Variants in MROH2A observed in about 807,000 individuals in gnomAD.
MROH2A encodes maestro heat like repeat family member 2A, also known as maestro heat-like repeat-containing protein family member 2A.
MROH2A carries 174 observed loss-of-function variants against 200.4 expected under a neutral mutation model. The observed-to-expected ratio is 0.87, with a 90% CI of 0.77 to 0.98. The LOEUF is 0.98. Among genes scored for constraint, MROH2A ranks in the 50% least tolerant of loss-of-function variants. The pLI, the probability that MROH2A is intolerant of heterozygous loss-of-function variation, is 0.00. For missense variants in MROH2A, 2,045 were observed against 2,139.6 expected (o/e 0.96, Z 0.87); for synonymous variants, 829 against 840.4 (o/e 0.99, Z 0.23).
At chr2:233,804,390 A>G in intron 17 of MROH2A, 105 bp from the exon 18 acceptor site, 1 of 1,363,496 alleles carries the variant, frequency 7.3e-7, no homozygotes, top group Non-Finnish European at 1.0e-6. Flanking sequence ...TCATCCATGG[A>G]GGGCCTCAAA....
rs1250098372 is a variant in MROH2A at position 233,796,242 on chromosome 2, A to G, written c.1181A>G (p.Gln394Arg). 2 of 1,535,614 alleles carry G rather than the reference A, an allele frequency of 1.3e-6. No homozygotes were observed. Among genetic ancestry groups the G allele is most frequent in the Middle Eastern group, 3.4e-4 (2 of 5,912 alleles). Residue 394 changes from glutamine to arginine, a missense_variant, in exon 11 of 42, where the codon CAG becomes CGG. This residue lies in a region of MROH2A where 831 missense variants were observed against 800.0 expected (regional missense o/e 1.04). Transcript: ENST00000389758. ...PKELMKFFFS[Q>R]METNKEAVRV... is the part of the protein sequence containing the mutation. ...GAGCTGATGAAGTTCTTCTTCAGCC[A>G]GATGGAGACAAACAAGGAGGCCGTC...
chr2:233,789,821 G>A (rs774114635), intron 4 of MROH2A, 31 bp from the exon 5 acceptor site: 36 of 1,531,500 alleles, frequency 2.4e-5, no homozygotes, highest in African/African-American at 1.4e-5. Context: ...GCTGGTGGTG[G>A]TGCCATATGT....
At chr2:233,808,578 G>A (rs1575970466) in intron 21 of MROH2A, among the ~76,000 whole-genome samples, 1 of 152,334 alleles carries the variant, frequency 6.6e-6, no homozygotes, top group African/African-American at 2.4e-5. Context: ...TTTCTGCAAA[G>A]AGGACCCGAC....
In MROH2A at chr2:233,829,015, G is replaced by A. The variant is rs774060010; in HGVS notation, c.4389G>A (p.Gly1463=). The A allele has an allele frequency of 9.0e-6, 14 of 1,550,164 alleles. No homozygotes were observed. Among genetic ancestry groups the A allele is most frequent in the Non-Finnish European group, 1.2e-5 (14 of 1,146,796 alleles). The change falls in exon 37 of 42, where the codon GGG becomes GGA. Residue 1463 remains glycine (G), a synonymous_variant. Coordinates refer to ENST00000389758, the MANE Select transcript of MROH2A (RefSeq NM_001394639.1). Reference sequence around the variant, plus strand: ...AGATCCTGGCTGAGCTCCGGGAAGGGGATGTGGGGTCCTCTTTCGACGCCA... The same window carrying A: ...AGATCCTGGCTGAGCTCCGGGAAGGAGATGTGGGGTCCTCTTTCGACGCCA... ...LTKILAELRE[G]DVGSSFDAMS... is the part of the protein sequence containing the mutation.
At chr2:233,792,273 C>CG (rs35876968) in intron 5 of MROH2A, among the ~76,000 whole-genome samples, 5 of 151,756 alleles carry the variant, frequency 3.3e-5, no homozygotes, top group African/African-American at 9.7e-5. Context: ...CTTTCCTCCC[C>CG]TTTTGCCTGG....
intron 8 of MROH2A, 79 bp from the exon 9 acceptor site, chr2:233,795,574 G>A (rs1702051817): frequency 1.9e-6 from 3 of 1,546,018 alleles, no homozygotes; most frequent in South Asian, 1.2e-5. Context: ...GGGTCAGTGG[G>A]CCCCTGAGTA....
chr2:233,822,659 C>T (rs1056260944), intron 33 of MROH2A, 103 bp downstream of exon 33: 6 of 1,274,600 alleles, frequency 4.7e-6, no homozygotes, highest in African/African-American at 1.5e-5. Context: ...CCCTCTGTCT[C>T]CTCCTGGTGG....
At chr2:233,815,845 C>CTTTTTTTTTTTT (rs5839494) in intron 26 of MROH2A, among the ~76,000 whole-genome samples, 2 of 129,252 alleles carry the variant, frequency 1.5e-5, no homozygotes, top group African/African-American at 3.0e-5. Flanking sequence ...TTAGATTTTG[C>CTTTTTTTTTTTT]TTTTTTTTTT....
intron 14 of MROH2A, among the ~76,000 whole-genome samples, chr2:233,801,789 G>A (rs567614985): frequency 3.3e-5 from 5 of 152,288 alleles, no homozygotes; most frequent in South Asian, 4.1e-4. Flanking sequence ...AAAACTGACC[G>A]TCATACCAGG....
chr2:233,833,147 AACTACAGCTGGACCCGGATCCCGGG>A lies in MROH2A; in HGVS notation c.4914_4938del (p.Leu1639SerfsTer36). ...TTGTGTTCTCTCTCAGCCCTCCAGGAACTACAGCTGGACCCGGATCCCGGGGTCAGGAGGGCAGCCCTGGAGACGC... is the reference window on the plus strand; with the variant it reads ...TTGTGTTCTCTCTCAGCCCTCCAGGAGTCAGGAGGGCAGCCCTGGAGACGC... On this transcript the variant is annotated frameshift_variant, in exon 42 of 42. Coordinates refer to ENST00000389758, the MANE Select transcript of MROH2A (RefSeq NM_001394639.1). LOFTEE classifies it high-confidence loss of function. 6.5e-7 allele frequency: 1 copy of A among 1,547,202 alleles called. No homozygotes were observed. Among genetic ancestry groups the A allele is most frequent in the African/African-American group, 1.4e-5 (1 of 72,936 alleles).
chr2:233,796,586 A>C (rs575691082), intron 11 of MROH2A, among the ~76,000 whole-genome samples: 1 of 152,190 alleles, frequency 6.6e-6, no homozygotes, highest in Admixed American at 6.5e-5. Flanking sequence ...GGCTGGATAT[A>C]AGGCCAAACT....
At position 233,792,909 on chromosome 2, in the gene MROH2A, T is replaced by G; in HGVS notation, c.670+15T>G. 2 of 1,550,320 alleles carry G rather than the reference T, an allele frequency of 1.3e-6. No individual in the cohort carries two copies. The highest frequency in any genetic ancestry group is 2.4e-5 in the East Asian group (1 of 40,930). ...GATCTGCAGTGGTGAGTGTCCCACT[T>G]GAGCCTGCAGGTCTGGCTCGATCAG... On this transcript the variant is annotated intron_variant, in intron 6 of 41. Coordinates refer to ENST00000389758, the MANE Select transcript of MROH2A (RefSeq NM_001394639.1).
chr2:233,793,531 T>C (rs1575928210), intron 6 of MROH2A, 142 bp from the exon 7 acceptor site: 2 of 655,594 alleles, frequency 3.1e-6, no homozygotes, highest in Non-Finnish European at 4.5e-6. Context: ...ATGAAGGTGC[T>C]GTGGGGGGTT....
rs529253358 is a variant in MROH2A at position 233,791,210 on chromosome 2, G to A, written c.571+1196G>A. Among the ~76,000 whole-genome samples the A allele has an allele frequency of 9.8e-5, 15 of 152,294 alleles. No homozygotes were observed. In the South Asian group the frequency reaches 2.5e-3, roughly 25 times the overall value. On this transcript the variant is annotated intron_variant, in intron 5 of 41. Transcript: ENST00000389758. ...TCGAAGGACATTAAGCTGCAGGGTCGCCTGGTGAATGCAGGTTGTGGGAAG... is the reference window on the plus strand; with the variant it reads ...TCGAAGGACATTAAGCTGCAGGGTCACCTGGTGAATGCAGGTTGTGGGAAG...
chr2:233,822,750 C>A, intron 33 of MROH2A, 131 bp from the exon 34 acceptor site: 2 of 1,269,542 alleles, frequency 1.6e-6, no homozygotes, highest in Non-Finnish European at 2.2e-6. Flanking sequence ...CACTCCCTCC[C>A]TGGACCTTTC....
At chr2:233,803,582 A>G (rs1166196301) in intron 16 of MROH2A, 94 bp downstream of exon 16, 1 of 1,358,720 alleles carries the variant, frequency 7.4e-7, no homozygotes, top group Non-Finnish European at 1.0e-6. Context: ...CCCCAGGGGT[A>G]TGAGGAAGCT....
At position 233,818,770 on chromosome 2, in the gene MROH2A, G is replaced by A. The variant is rs1168164460; in HGVS notation, c.3204G>A (p.Lys1068=). The change falls in exon 29 of 42, where the codon AAG becomes AAA. Residue 1068 remains lysine, a splice_region_variant and synonymous_variant. Coordinates refer to ENST00000389758, the MANE Select transcript of MROH2A (RefSeq NM_001394639.1). ...KIFCASSRIA[K]VVCMEFSCDE... ...TCTGTGCATCCTCCAGAATCGCCAA[G>A]GTGACAGCCGGGGAGCCTGCCTGGG... 4.6e-6 allele frequency: 7 copies of A among 1,537,330 alleles called. No individual in the cohort carries two copies. The East Asian group carries it at 1.7e-4, about 38-fold the overall frequency.
chr2:233,813,589 C>A, intron 24 of MROH2A, 81 bp from the exon 25 acceptor site: 1 of 815,178 alleles, frequency 1.2e-6, no homozygotes, highest in Non-Finnish European at 2.0e-6. Context: ...GGATGTGTTT[C>A]CGTGCCCAGA....
chr2:233,823,852 G>A (rs1704130528), intron 35 of MROH2A, among the ~76,000 whole-genome samples, 188 bp downstream of exon 35: 1 of 152,232 alleles, frequency 6.6e-6, no homozygotes, highest in Non-Finnish European at 1.5e-5. Flanking sequence ...GGCAGGCCCT[G>A]CTGGAAAGAC....
Sources: gnomAD v4.1 joint callset for allele counts (sites outside exome capture counted in the v4.1 genomes callset) on GRCh38, gnomAD v4.1.1 for gene constraint, gnomAD v4.1.1 regional missense constraint, MANE v1.5 for transcripts, NCBI Gene and HGNC (gene_info 2026-07-23, HGNC 2026-07-21) for gene names.